Variants in MPDZ observed in about 807,000 individuals in gnomAD.
MPDZ encodes the protein multiple PDZ domain protein.
A neutral mutation model predicts 239.1 loss-of-function variants in MPDZ; 234 were observed. The observed-to-expected ratio is 0.98, with a 90% confidence interval of 0.88 to 1.09. The LOEUF (loss-of-function observed/expected upper bound fraction) is 1.09. Among genes scored for constraint, MPDZ ranks in the 50% least tolerant of loss-of-function variants. The probability of loss-of-function intolerance (pLI) is 0.00; values close to 1 mark genes in which losing one functional copy is unlikely to be tolerated. For missense variants in MPDZ, 3,175 were observed against 2,510.0 expected (o/e 1.26, Z -5.66); for synonymous variants, 1,048 against 881.3 (o/e 1.19, Z -3.35).
intron 38 of MPDZ, chr9:13,120,195 T>C (rs1456668665): frequency 2.0e-5 from 3 of 152,508 alleles, no homozygotes; most frequent in African/African-American, 7.3e-5. Flanking sequence ...CCACACGAGA[T>C]AGGTTTATGC....
chr9:13,180,963 C>G (rs1343521229), intron 19 of MPDZ, among the ~76,000 whole-genome samples: 1 of 152,132 alleles, frequency 6.6e-6, no homozygotes, highest in African/African-American at 2.4e-5. Flanking sequence ...TTAGGCTGCC[C>G]TGAAGAGCGA....
At chr9:13,136,555 T>C (rs899825478) in intron 30 of MPDZ, among the ~76,000 whole-genome samples, 157 bp downstream of exon 30, 4 of 151,856 alleles carry the variant, frequency 2.6e-5, no homozygotes, top group African/African-American at 9.7e-5. Context: ...CCCGATCTCC[T>C]GACCTCATGA....
intron 28 of MPDZ, among the ~76,000 whole-genome samples, chr9:13,138,534 G>T (rs2132385195): frequency 6.6e-6 from 1 of 152,290 alleles, no homozygotes; most frequent in South Asian, 2.1e-4. Flanking sequence ...CTGATCAGTG[G>T]GAGCTTTTCT....
chr9:13,112,264 G>A (rs1942617894), intron 42 of MPDZ, 118 bp from the exon 43 acceptor site: 2 of 1,055,642 alleles, frequency 1.9e-6, no homozygotes, highest in Non-Finnish European at 2.6e-6. Flanking sequence ...GGGGGAAAAT[G>A]AAGAAGTGCA....
chr9:13,189,042 C>G (rs544606646), intron 16 of MPDZ, 49 bp from the exon 17 acceptor site: 3 of 1,533,262 alleles, frequency 2.0e-6, no homozygotes, highest in South Asian at 2.3e-5. Flanking sequence ...AAAGAAAATT[C>G]TTCTACAGGT....
At chr9:13,176,033 T>C (rs1365646163) in intron 20 of MPDZ, 103 bp downstream of exon 20, 1 of 1,430,828 alleles carries the variant, frequency 7.0e-7, no homozygotes, top group Non-Finnish European at 9.3e-7. Context: ...AAAATCTTAG[T>C]GTCAAGAAGC....
intron 20 of MPDZ, 39 bp downstream of exon 20, chr9:13,176,097 T>A (rs1019404113): frequency 6.6e-7 from 1 of 1,518,028 alleles, no homozygotes; most frequent in East Asian, 2.4e-5. Context: ...CTATTCCCTA[T>A]CTCATCATAA....
intron 9 of MPDZ, 82 bp from the exon 10 acceptor site, chr9:13,216,944 C>T (rs1958426570): frequency 9.3e-7 from 1 of 1,078,942 alleles, no homozygotes; most frequent in Non-Finnish European, 1.4e-6. Context: ...AACTATAAAG[C>T]TCTAATTCAG....
At chr9:13,255,645 C>T (rs547016588) in intron 1 of MPDZ, among the ~76,000 whole-genome samples, 1 of 152,300 alleles carries the variant, frequency 6.6e-6, no homozygotes, top group East Asian at 1.9e-4. Context: ...AACCAGATGC[C>T]TTGTCAATGA....
rs1947102571 is a variant in MPDZ, at chr9:13,138,056, G to GTTCCCAGCAAGACTTAGGCCCA, written c.4079_4100dup (p.Lys1368GlyfsTer21). ...AGACACTCATCCTGGATCGGTCTTT[G>GTTCCCAGCAAGACTTAGGCCCA]TTCCCAGCAAGACTTAGGCCCAAAC... is the stretch of plus-strand genomic sequence containing the variant. On this transcript the variant is annotated frameshift_variant, in exon 29 of 47. Coordinates refer to ENST00000319217, the MANE Select transcript of MPDZ (RefSeq NM_001378778.1). LOFTEE classifies it high-confidence loss of function. The GTTCCCAGCAAGACTTAGGCCCA allele has an allele frequency of 6.2e-7, 1 of 1,613,654 alleles. No homozygotes were observed. Among genetic ancestry groups the GTTCCCAGCAAGACTTAGGCCCA allele is most frequent in the Admixed American group, 1.7e-5 (1 of 59,998 alleles).
intron 1 of MPDZ, among the ~76,000 whole-genome samples, chr9:13,253,052 C>T (rs1424283842): frequency 6.6e-6 from 1 of 152,106 alleles, no homozygotes; most frequent in African/African-American, 2.4e-5. Context: ...TCCTGACATA[C>T]ATGGGAGGTA....
chr9:13,111,039 A>G (rs1942372325), intron 43 of MPDZ, among the ~76,000 whole-genome samples: 1 of 152,184 alleles, frequency 6.6e-6, no homozygotes, highest in Admixed American at 6.5e-5. Flanking sequence ...TAAAAGAAAA[A>G]AAAATTCACT....
Position 13,175,864 on chromosome 9 carries a change from G to A in MPDZ, c.2943C>T (p.Tyr981=), listed in dbSNP as rs1952411907. The part of the protein sequence containing the change: ...LPDSAGKGSE[Y]LLEQSSLACN... ...AGGCCAGGGAGCTCTGTTCAAGCAG[G>A]TACTCAGAGCCCTTTAAGAAAGAAA... The change falls in exon 21 of 47, where the codon TAC becomes TAT. Residue 981 remains tyrosine, a synonymous_variant. Transcript: ENST00000319217. 1.3e-6 allele frequency: 2 copies of A among 1,593,770 alleles called. No individual in the cohort carries two copies. The highest frequency in any genetic ancestry group is 1.7e-6 in the Non-Finnish European group (2 of 1,170,058).
intron 1 of MPDZ, among the ~76,000 whole-genome samples, chr9:13,266,655 CAAAG>C (rs1971862781): frequency 6.6e-6 from 1 of 152,140 alleles, no homozygotes; most frequent in Non-Finnish European, 1.5e-5. Context: ...AGTAGAGAGT[CAAAG>C]AAAATACTAT....
rs573905825 is a variant in MPDZ, at chr9:13,278,418, C to T, written c.-58+982G>A. Among the ~76,000 whole-genome samples the T allele has an allele frequency of 5.3e-5, 8 of 152,134 alleles. No homozygotes were observed. In the East Asian group the frequency reaches 1.6e-3, roughly 30 times the overall value. The stretch of plus-strand genomic sequence containing the variant: ...ACTACGGAGCGGCCTCTACCTCCCG[C>T]CGGCGCCTGGCCACTTCTCCTCCCC... On this transcript the variant is annotated intron_variant, in intron 1 of 46. Coordinates refer to ENST00000319217, the MANE Select transcript of MPDZ (RefSeq NM_001378778.1).
chr9:13,194,922 A>G (rs1201187222), intron 13 of MPDZ, among the ~76,000 whole-genome samples: 2 of 152,106 alleles, frequency 1.3e-5, no homozygotes, highest in African/African-American at 4.8e-5. Context: ...CCTTAGGTCA[A>G]TTTAAAATGG....
Position 13,133,844 on chromosome 9 carries a change from G to A in MPDZ, c.4444C>T (p.Gln1482Ter). The change falls in exon 32 of 47, where the codon CAA becomes TAA. Residue 1482 changes from glutamine to a stop codon, truncating the protein, a stop_gained. Transcript: ENST00000319217. LOFTEE classifies it high-confidence loss of function. ...AVDLSSFKNVQHLELPKDQGG... is the reference protein window; with the variant it reads ...AVDLSSFKNV ...TTTACCTTGGGAAGCTCCAGATGTT[G>A]CACATTTTTAAATGAACTGAGGTCC... 1 of 1,603,770 alleles carries A rather than the reference G, an allele frequency of 6.2e-7. No homozygotes were observed. The highest frequency in any genetic ancestry group is 8.5e-7 in the Non-Finnish European group (1 of 1,173,102).
chr9:13,264,524 C>A (rs953656432), intron 1 of MPDZ, among the ~76,000 whole-genome samples: 1 of 152,022 alleles, frequency 6.6e-6, no homozygotes, highest in Non-Finnish European at 1.5e-5. Flanking sequence ...GGATCAGAAC[C>A]CTGGACTGCT....
chr9:13,108,561 C>CA (rs527781712), intron 46 of MPDZ, among the ~76,000 whole-genome samples: 16 of 151,634 alleles, frequency 1.1e-4, no homozygotes, highest in African/African-American at 3.4e-4. Context: ...TATTTCACAA[C>CA]AAAAAAATGC....
Sources: gnomAD v4.1 joint callset for allele counts (sites outside exome capture counted in the v4.1 genomes callset) on GRCh38, gnomAD v4.1.1 for gene constraint, MANE v1.5 for transcripts, NCBI Gene and HGNC (gene_info 2026-07-23, HGNC 2026-07-21) for gene names.